The following IL1RAPL2 variants were observed in gnomAD, a reference collection of about 807,000 sequenced individuals.
IL1RAPL2 encodes X-linked interleukin-1 receptor accessory protein-like 2.
Under a neutral mutation model 44.1 loss-of-function variants are expected in IL1RAPL2, and 3 were observed. The observed-to-expected ratio is 0.07, with a 90% confidence interval of 0.03 to 0.18. IL1RAPL2 has a LOEUF of 0.18. IL1RAPL2 is among the 10% of genes least tolerant of loss of function. IL1RAPL2 has a pLI of 1.00. For synonymous variants in IL1RAPL2, 181 were observed against 178.8 expected (o/e 1.01, Z -0.10); for missense variants, 391 against 496.4 (o/e 0.79, Z 2.02).
chrX:105,138,636 G>A (rs1299236731), intron 2 of IL1RAPL2, among the ~76,000 whole-genome samples: 1 of 111,330 alleles, frequency 9.0e-6, no homozygotes, highest in African/African-American at 3.3e-5. Context: ...TTTAGCCTAT[G>A]TAATTCCACT....
intron 2 of IL1RAPL2, among the ~76,000 whole-genome samples, chrX:104,712,622 G>A (rs1477414533): frequency 2.7e-5 from 3 of 111,013 alleles, no homozygotes; most frequent in Non-Finnish European, 5.7e-5. Flanking sequence ...ATTTAACATT[G>A]TATGGAGTAG....
intron 2 of IL1RAPL2, among the ~76,000 whole-genome samples, chrX:105,040,331 T>C (rs929795104): frequency 9.0e-6 from 1 of 111,494 alleles, no homozygotes; most frequent in Non-Finnish European, 1.9e-5. Flanking sequence ...AGGATATTGG[T>C]CTAAAATTCT....
intron 6 of IL1RAPL2, among the ~76,000 whole-genome samples, chrX:105,533,120 G>A (rs767452319): frequency 2.3e-4 from 26 of 111,038 alleles, no homozygotes; most frequent in Non-Finnish European, 4.9e-4. Context: ...AACCTGGGAG[G>A]CGGAGGTTGC....
At chrX:105,670,576 G>A (rs1418733786) in intron 6 of IL1RAPL2, among the ~76,000 whole-genome samples, 3 of 107,252 alleles carry the variant, frequency 2.8e-5, no homozygotes, top group Non-Finnish European at 5.8e-5. Context: ...TGGGATTACA[G>A]GCGTGAGCCA....
At chrX:104,644,804 A>G (rs1157004747) in intron 1 of IL1RAPL2, among the ~76,000 whole-genome samples, 1 of 110,978 alleles carries the variant, frequency 9.0e-6, no homozygotes, top group Non-Finnish European at 1.9e-5. Context: ...TCTCTTTCCT[A>G]TCACAGCTAA....
intron 2 of IL1RAPL2, among the ~76,000 whole-genome samples, chrX:105,162,707 T>G (rs1370979714): frequency 1.8e-5 from 2 of 111,929 alleles, no homozygotes; most frequent in African/African-American, 6.5e-5. Flanking sequence ...GTTAGTCCAT[T>G]AGGTCTTTTA....
rs1178052487 is a variant in IL1RAPL2 at position 105,676,318 on chromosome X, A to T, written c.773-41049A>T. ...CTAGAGCTCATTCACAGTAGCTTCC[A>T]TCTCATCGTAGTTTGATGCAGTCTG... On this transcript the variant is annotated intron_variant, in intron 6 of 10. Coordinates refer to ENST00000372582, the MANE Select transcript of IL1RAPL2 (RefSeq NM_017416.2). The T allele has an allele frequency of 3.6e-5, 4 of 111,810 alleles. No homozygotes were observed. In the East Asian group the frequency reaches 1.1e-3, roughly 31 times the overall value. The allele number at this position is 111,810 out of a possible 1,213,427, so 9.2% of individuals were successfully genotyped here.
chrX:104,727,453 G>A (rs183745740), intron 2 of IL1RAPL2, among the ~76,000 whole-genome samples: 10 of 111,264 alleles, frequency 9.0e-5, no homozygotes, highest in East Asian at 2.8e-4. Context: ...GAAAGATTGC[G>A]GAGAACAGGG....
chrX:104,794,552 T>A (rs1315322168), intron 2 of IL1RAPL2, among the ~76,000 whole-genome samples: 14 of 111,584 alleles, frequency 1.3e-4, no homozygotes, highest in Admixed American at 1.0e-3. Context: ...TAATGGTAAA[T>A]ATGTAGATGC....
At chrX:105,322,207 C>T (rs1229594465) in intron 5 of IL1RAPL2, among the ~76,000 whole-genome samples, 1 of 112,622 alleles carries the variant, frequency 8.9e-6, no homozygotes, top group Non-Finnish European at 1.9e-5. Flanking sequence ...CTTCTAAAAG[C>T]CACATCTGCT....
At chrX:104,850,521 GTC>G (rs1250022577) in intron 2 of IL1RAPL2, among the ~76,000 whole-genome samples, 1 of 111,560 alleles carries the variant, frequency 9.0e-6, no homozygotes. Flanking sequence ...TTTGATCTGA[GTC>G]TTTCATAAAC....
chrX:104,670,027 G>C (rs1930563506), intron 2 of IL1RAPL2, among the ~76,000 whole-genome samples: 1 of 111,647 alleles, frequency 9.0e-6, no homozygotes, highest in African/African-American at 3.3e-5. Flanking sequence ...GAGTTTTCCA[G>C]AGGGAAAGAA....
intron 2 of IL1RAPL2, among the ~76,000 whole-genome samples, chrX:104,787,378 C>T (rs762347488): frequency 2.0e-4 from 22 of 111,317 alleles, no homozygotes; most frequent in Non-Finnish European, 2.4e-4. Context: ...CCTTGATACT[C>T]CGTACCTCTG....
intron 2 of IL1RAPL2, among the ~76,000 whole-genome samples, chrX:104,784,643 C>A (rs186442898): frequency 9.1e-6 from 1 of 110,350 alleles, no homozygotes; most frequent in Non-Finnish European, 1.9e-5. Flanking sequence ...CATGTATTTT[C>A]TGATCTCCTC....
At chrX:105,044,357 C>T (rs778891040) in intron 2 of IL1RAPL2, among the ~76,000 whole-genome samples, 35 of 110,729 alleles carry the variant, frequency 3.2e-4, no homozygotes, top group Non-Finnish European at 5.5e-4. Context: ...TGAATCTCTA[C>T]TCCATCCCTA....
At chrX:105,508,802 G>A (rs190012877) in intron 6 of IL1RAPL2, among the ~76,000 whole-genome samples, 1 of 111,231 alleles carries the variant, frequency 9.0e-6, no homozygotes. Flanking sequence ...AGCAGTGGGG[G>A]AAGTATTGAC....
At chrX:105,207,635 C>A (rs1354584352) in intron 3 of IL1RAPL2, among the ~76,000 whole-genome samples, 1 of 111,590 alleles carries the variant, frequency 9.0e-6, no homozygotes, top group Non-Finnish European at 1.9e-5. Context: ...GCACTTTTTT[C>A]CTTTCAAGAA....
chrX:105,590,380 G>A (rs1487454412), intron 6 of IL1RAPL2, among the ~76,000 whole-genome samples: 2 of 109,945 alleles, frequency 1.8e-5, no homozygotes, highest in South Asian at 7.7e-4. Context: ...TTGTCTGATT[G>A]CTCTAAATAG....
intron 1 of IL1RAPL2, among the ~76,000 whole-genome samples, chrX:104,591,791 T>C (rs1395147844): frequency 1.8e-5 from 2 of 110,875 alleles, no homozygotes; most frequent in Non-Finnish European, 3.8e-5. Flanking sequence ...GTAATTTCTT[T>C]ATGATAATAT....
Sources: gnomAD v4.1 joint callset for allele counts (sites outside exome capture counted in the v4.1 genomes callset) on GRCh38, gnomAD v4.1.1 for gene constraint, MANE v1.5 for transcripts, NCBI Gene and HGNC (gene_info 2026-07-23, HGNC 2026-07-21) for gene names.